The following CUX2 variants were observed in gnomAD, a reference collection of about 807,000 sequenced individuals.
CUX2 encodes cut like homeobox 2, also known as homeobox protein cut-like 2.
In CUX2, 40 loss-of-function variants were observed where a neutral mutation model predicts 144.8. The ratio of observed to expected loss-of-function variants is 0.28; its 90% confidence interval spans 0.21 to 0.36. CUX2 has a LOEUF of 0.36. CUX2 is among the 10% of genes least tolerant of loss of function. The pLI is 1.00. For missense variants in CUX2, 1,615 were observed against 1,994.0 expected, an observed-to-expected ratio of 0.81 and a Z score of 3.62; for synonymous variants, 827 against 875.6, an observed-to-expected ratio of 0.94 and a Z score of 0.98.
intron 1 of CUX2, among the ~76,000 whole-genome samples, chr12:111,108,427 C>G (rs909081057): frequency 6.6e-6 from 1 of 152,212 alleles, no homozygotes; most frequent in Admixed American, 6.5e-5. Context: ...ATCGATGCTT[C>G]TTGCTTGAAA....
At chr12:111,054,203 C>T (rs1292019529) in intron 1 of CUX2, among the ~76,000 whole-genome samples, 2 of 152,224 alleles carry the variant, frequency 1.3e-5, no homozygotes, top group African/African-American at 4.8e-5. Flanking sequence ...GCTTTCTCTT[C>T]AGTGTGAGAG....
At chr12:111,098,237 TA>T (rs1449249119) in intron 1 of CUX2, among the ~76,000 whole-genome samples, 1 of 152,066 alleles carries the variant, frequency 6.6e-6, no homozygotes, top group Non-Finnish European at 1.5e-5. Flanking sequence ...CTGTCTCTAC[TA>T]AAACTATAAA....
rs79512739 is a variant in CUX2, at chr12:111,182,094, T to C, written c.64-32106T>C. On this transcript the variant is annotated intron_variant, in intron 1 of 21. Coordinates refer to ENST00000261726, the MANE Select transcript of CUX2 (RefSeq NM_015267.4). ...GCAAAGGGAAGACTTGATGCAAAGA[T>C]GTTTCAGGGCAGGGTCGGGGGATAA... Among the ~76,000 whole-genome samples, 756 of 152,242 alleles carry C rather than the reference T, an allele frequency of 5.0e-3. 7 individuals are homozygous for C. The highest frequency in any genetic ancestry group is 0.017 in the African/African-American group (686 of 41,530).
chr12:111,222,453 G>A (rs1881904793), intron 3 of CUX2, among the ~76,000 whole-genome samples: 1 of 152,322 alleles, frequency 6.6e-6, no homozygotes, highest in South Asian at 2.1e-4. Flanking sequence ...CCACCATAAA[G>A]GGGATGTGGC....
intron 6 of CUX2, among the ~76,000 whole-genome samples, chr12:111,294,687 G>A (rs1031077918): frequency 2.6e-5 from 4 of 151,768 alleles, no homozygotes; most frequent in Admixed American, 6.6e-5. Flanking sequence ...ACTTGAGGTC[G>A]GCAGTTTGAG....
intron 2 of CUX2, among the ~76,000 whole-genome samples, chr12:111,217,079 T>A (rs896706995): frequency 6.6e-6 from 1 of 152,096 alleles, no homozygotes; most frequent in African/African-American, 2.4e-5. Context: ...TCTTAAGGTT[T>A]CCCTCTTACG....
chr12:111,295,451 G>A lies in CUX2; in HGVS notation c.637+42G>A. ...TGTGGCCTAGAGGGAGGACTGGGAG[G>A]GGACGGTAATGCTGTCAACGAGGGG... On this transcript the variant is annotated intron_variant, in intron 7 of 21. Transcript: ENST00000261726. The surrounding 1 kb of genome is among the most constrained non-coding windows in gnomAD (Gnocchi z 5.0). The A allele has an allele frequency of 6.4e-7, 1 of 1,573,080 alleles. No individual in the cohort carries two copies. The highest frequency in any genetic ancestry group is 8.7e-7 in the Non-Finnish European group (1 of 1,152,426).
chr12:111,154,693 C>G (rs1044578683), intron 1 of CUX2, among the ~76,000 whole-genome samples: 1 of 152,110 alleles, frequency 6.6e-6, no homozygotes, highest in African/African-American at 2.4e-5. Flanking sequence ...GTGCGGGAAT[C>G]AGAGAGGCAA....
intron 1 of CUX2, among the ~76,000 whole-genome samples, chr12:111,081,128 C>T (rs1871861725): frequency 1.3e-5 from 2 of 152,112 alleles, no homozygotes; most frequent in Non-Finnish European, 2.9e-5. Flanking sequence ...CATGCTGTCA[C>T]CGTTTCCGAT....
intron 3 of CUX2, among the ~76,000 whole-genome samples, chr12:111,244,426 C>T (rs1037258316): frequency 3.3e-5 from 5 of 152,236 alleles, no homozygotes; most frequent in African/African-American, 1.2e-4. Context: ...CCCATGTTGT[C>T]GCTAGATAGC....
chr12:111,293,064 A>G lies in CUX2; in HGVS notation c.437-382A>G, dbSNP rs1297667597. Among the ~76,000 whole-genome samples, 2 of 152,122 alleles carry G rather than the reference A, an allele frequency of 1.3e-5. No individual in the cohort carries two copies. Among genetic ancestry groups the G allele is most frequent in the South Asian group, 2.1e-4 (1 of 4,828 alleles). On this transcript the variant is annotated intron_variant, in intron 5 of 21. Coordinates refer to ENST00000261726, the MANE Select transcript of CUX2 (RefSeq NM_015267.4). The surrounding 1 kb of genome is among the most constrained non-coding windows in gnomAD (Gnocchi z 4.5). ...CTTGAACCCAGGAGGCAGAGGTTGCAGTAAGCTGAGATTGTGCCACTGCAC... is the reference window on the plus strand; with the variant it reads ...CTTGAACCCAGGAGGCAGAGGTTGCGGTAAGCTGAGATTGTGCCACTGCAC...
chr12:111,249,459 T>G (rs1883462936), intron 3 of CUX2, among the ~76,000 whole-genome samples: 1 of 142,624 alleles, frequency 7.0e-6, no homozygotes, highest in African/African-American at 2.7e-5. Flanking sequence ...TTTTTTTTTT[T>G]TTTTTAGTGG....
chr12:111,156,745 A>G (rs1044943890), intron 1 of CUX2, among the ~76,000 whole-genome samples: 4 of 152,196 alleles, frequency 2.6e-5, no homozygotes, highest in Non-Finnish European at 2.9e-5. Flanking sequence ...TGGGAGGCTG[A>G]GGCAGGTGGA....
chr12:111,192,636 C>G (rs1879967700), intron 1 of CUX2, among the ~76,000 whole-genome samples: 1 of 152,160 alleles, frequency 6.6e-6, no homozygotes. Flanking sequence ...TCATCGCAGC[C>G]CACCCGGGGT....
intron 1 of CUX2, among the ~76,000 whole-genome samples, chr12:111,142,693 G>A (rs1876406407): frequency 6.6e-6 from 1 of 152,162 alleles, no homozygotes; most frequent in African/African-American, 2.4e-5. Flanking sequence ...ACTGACAGCA[G>A]CCGTTTCATA....
rs539557491 is a variant in CUX2 at position 111,320,436 on chromosome 12, C to G, written c.2427C>G (p.Ser809=). ...PYASVSPSLS[S]SSSSGYSGQP... ...CCTCCGTGTCGCCCTCGCTGTCCTC[C>G]TCCTCCTCCTCTGGCTACTCTGGCC... is the stretch of plus-strand genomic sequence containing the variant. Residue 809 remains serine, a synonymous_variant, in exon 17 of 22, where the codon TCC becomes TCG. Transcript: ENST00000261726. This position sits in a 1 kb window ranked among gnomAD's most constrained non-coding sequence, Gnocchi z 8.1. The G allele has an allele frequency of 3.1e-6, 5 of 1,596,302 alleles. No homozygotes were observed. The African/African-American group carries it at 6.7e-5, about 21-fold the overall frequency.
rs35751838 is a variant in CUX2 at position 111,316,449 on chromosome 12, CTTT to C, written c.2003-3547_2003-3545del. 1.2e-4 allele frequency among the ~76,000 whole-genome samples: 14 copies of C among 113,318 alleles called. No individual in the cohort carries two copies. The South Asian group carries it at 2.1e-3, about 17-fold the overall frequency. 74.3% of individuals were successfully genotyped at this position (113,318 alleles called of 152,430 possible). On this transcript the variant is annotated intron_variant, in intron 16 of 21. Transcript: ENST00000261726. ...GCTTGAGCCACCGCGCCCGGCACTT[CTTT>C]TTTTTTTTTTTTTTTGACAGAGTCT... is the stretch of plus-strand genomic sequence containing the variant.
At chr12:111,158,452 A>C (rs1263164207) in intron 1 of CUX2, among the ~76,000 whole-genome samples, 1 of 151,544 alleles carries the variant, frequency 6.6e-6, no homozygotes, top group Non-Finnish European at 1.5e-5. Flanking sequence ...TACCAAAAAA[A>C]AAAAAGAATT....
intron 3 of CUX2, among the ~76,000 whole-genome samples, chr12:111,220,113 C>G (rs1881763699): frequency 6.6e-6 from 1 of 150,726 alleles, no homozygotes; most frequent in Non-Finnish European, 1.5e-5. Context: ...CACTGCATTC[C>G]AGCCTGGACG....
Sources: gnomAD v4.1 joint callset for allele counts (sites outside exome capture counted in the v4.1 genomes callset) on GRCh38, gnomAD v4.1.1 for gene constraint, Gnocchi (gnomAD v3.1) non-coding constraint, MANE v1.5 for transcripts, NCBI Gene and HGNC (gene_info 2026-07-23, HGNC 2026-07-21) for gene names.